The following GBP7 variants were observed in gnomAD, a reference collection of about 807,000 sequenced individuals.
GBP7 encodes guanylate binding protein 7.
Under a neutral mutation model 61.3 loss-of-function variants are expected in GBP7, and 43 were observed. The ratio of observed to expected loss-of-function variants is 0.70; its 90% CI spans 0.55 to 0.91. GBP7 has a LOEUF of 0.91. Ranked by LOEUF, GBP7 falls within the 40% of genes least tolerant of loss-of-function variation. The pLI, the probability that GBP7 is intolerant of heterozygous loss-of-function variation, is 0.00. For synonymous variants in GBP7, 267 were observed against 271.0 expected (o/e 0.99, Z 0.14); for missense variants, 717 against 740.5 (o/e 0.97, Z 0.37).
intron 7 of GBP7, 120 bp from the exon 8 acceptor site, chr1:89,147,899 C>T: frequency 1.0e-6 from 1 of 972,722 alleles, no homozygotes; most frequent in Non-Finnish European, 1.6e-6. Context: ...ACGGTGTAGA[C>T]TAAGAGTCAG....
chr1:89,135,784 T>C (rs770013620), intron 9 of GBP7, among the ~76,000 whole-genome samples: 4 of 151,996 alleles, frequency 2.6e-5, no homozygotes, highest in Non-Finnish European at 5.9e-5. Context: ...AATAACACAA[T>C]CAAGTGTGGA....
chr1:89,133,953 CA>C (rs1416167231), intron 9 of GBP7, among the ~76,000 whole-genome samples: 1 of 152,266 alleles, frequency 6.6e-6, no homozygotes, highest in African/African-American at 2.4e-5. Context: ...TTGCCATGCC[CA>C]GATACATGGC....
At position 89,159,657 on chromosome 1, in the gene GBP7, G is replaced by GT. The variant is rs1283868049; in HGVS notation, c.318+5073dup. Among the ~76,000 whole-genome samples the GT allele has an allele frequency of 2.0e-5, 3 of 152,116 alleles. No homozygotes were observed. The East Asian group carries it at 5.8e-4, about 29-fold the overall frequency. Reference sequence around the variant, plus strand: ...CAGAGAAATGCAAATCAAAACTACAGTGAGATACCATGTCACACCAGTTAG... The same window carrying GT: ...CAGAGAAATGCAAATCAAAACTACAGTTGAGATACCATGTCACACCAGTTAG... On this transcript the variant is annotated intron_variant, in intron 3 of 10. Coordinates refer to ENST00000294671, the MANE Select transcript of GBP7 (RefSeq NM_207398.3).
chr1:89,137,748 G>A (rs918645976), intron 9 of GBP7, among the ~76,000 whole-genome samples: 1 of 151,932 alleles, frequency 6.6e-6, no homozygotes, highest in Non-Finnish European at 1.5e-5. Flanking sequence ...AAACAGACAA[G>A]GATGCCCACT....
intron 3 of GBP7, among the ~76,000 whole-genome samples, chr1:89,154,830 C>G (rs1159856779): frequency 6.6e-6 from 1 of 152,164 alleles, no homozygotes; most frequent in Non-Finnish European, 1.5e-5. Context: ...ACATTCCTGT[C>G]TGACAGCTTT....
In GBP7 at chr1:89,149,353, A is replaced by G. The variant is rs767570581; in HGVS notation, c.1091T>C (p.Ile364Thr). 23 of 1,613,962 alleles carry G rather than the reference A, an allele frequency of 1.4e-5. No individual in the cohort carries two copies. In the Admixed American group the frequency reaches 1.7e-4, roughly 12 times the overall value. The change falls in exon 7 of 11, where the codon ATT becomes ACT. Residue 364 changes from isoleucine (I) to threonine (T), a missense_variant. Physicochemically the swap from Ile to Thr is moderately conservative, Grantham distance 89 (BLOSUM62 -1). Around this residue, in one of 3 missense-constraint regions of GBP7, gnomAD observed 312 missense variants for 310.1 expected, o/e 1.01. Transcript: ENST00000294671. ...DVHAVCEREA[I>T]AVFMEYSFKD... ...GAAGGAGTACTCCATGAAGACTGCA[A>G]TGGCTTCCCTCTCACAAACTGCATG...
chr1:89,154,195 T>A (rs1357269127), intron 3 of GBP7, among the ~76,000 whole-genome samples: 1 of 152,220 alleles, frequency 6.6e-6, no homozygotes, highest in Non-Finnish European at 1.5e-5. Context: ...TAAAAAAGTT[T>A]ATGCCCATTA....
At chr1:89,136,351 A>G (rs1157117150) in intron 9 of GBP7, among the ~76,000 whole-genome samples, 2 of 152,164 alleles carry the variant, frequency 1.3e-5, no homozygotes, top group Admixed American at 1.3e-4. Flanking sequence ...CAACAATAAC[A>G]GAATATACAT....
chr1:89,138,543 T>A (rs1250192283), intron 9 of GBP7, among the ~76,000 whole-genome samples: 78 of 152,290 alleles, frequency 5.1e-4, no homozygotes, highest in Non-Finnish European at 3.2e-4. Context: ...TACAACTATC[T>A]GATCTTTGGT....
At chr1:89,146,046 A>C (rs573006681) in intron 8 of GBP7, among the ~76,000 whole-genome samples, 2 of 152,198 alleles carry the variant, frequency 1.3e-5, no homozygotes, top group African/African-American at 4.8e-5. Context: ...GCATCATACT[A>C]TCTGACTTCA....
rs1041055167 is a variant in GBP7, at chr1:89,175,918, T to C, written c.-20+3A>G. The stretch of plus-strand genomic sequence containing the variant: ...ATGAAATCCTTATAAGTCATAGTCT[T>C]ACCCAGAGTAGAGATCCTCTGGACT... On this transcript the variant is annotated splice_donor_region_variant and intron_variant, in intron 1 of 10. Transcript: ENST00000294671. 3.9e-5 allele frequency: 6 copies of C among 152,196 alleles called. No individual in the cohort carries two copies. The highest frequency in any genetic ancestry group is 9.7e-5 in the African/African-American group (4 of 41,440). The allele number at this position is 152,196 out of a possible 1,614,324, so 9.4% of individuals were successfully genotyped here. A position where few individuals can be genotyped will look rare whatever the true frequency, so the allele number is the denominator to read the frequency against.
Position 89,149,533 on chromosome 1 carries a change from T to C in GBP7, c.911A>G (p.Asn304Ser). ...MLVETYLDAI[N>S]SGATPCLENA... ...CTCCAGACAAGGAGTCGCTCCACTG[T>C]TGATGGCATCCAGGTAGGTCTCCAC... Residue 304 changes from asparagine (N) to serine (S), a missense_variant, in exon 7 of 11, where the codon AAC becomes AGC. Asn to Ser is a conservative substitution (Grantham distance 46, BLOSUM62 1). This residue lies in a region of GBP7 where 387 missense variants were observed against 385.2 expected (regional missense o/e 1.00). Coordinates refer to ENST00000294671, the MANE Select transcript of GBP7 (RefSeq NM_207398.3). 1.2e-6 allele frequency: 2 copies of C among 1,614,140 alleles called. No homozygotes were observed. The highest frequency in any genetic ancestry group is 1.1e-5 in the South Asian group (1 of 91,080).
chr1:89,149,948 A>G (rs965004106), intron 6 of GBP7, among the ~76,000 whole-genome samples: 5 of 152,348 alleles, frequency 3.3e-5, no homozygotes, highest in Admixed American at 6.5e-5. Flanking sequence ...TTCTGAATGT[A>G]AATGCAGGTG....
intron 8 of GBP7, 60 bp downstream of exon 8, chr1:89,147,507 G>A: frequency 7.6e-7 from 1 of 1,310,338 alleles, no homozygotes; most frequent in South Asian, 1.2e-5. Context: ...TTTCAGAAGA[G>A]GCAACGAAGA....
At chr1:89,141,880 C>T (rs767487203) in intron 8 of GBP7, among the ~76,000 whole-genome samples, 1 of 152,222 alleles carries the variant, frequency 6.6e-6, no homozygotes, top group Non-Finnish European at 1.5e-5. Flanking sequence ...CCTCTTCTCC[C>T]AGGGATGCTG....
intron 9 of GBP7, among the ~76,000 whole-genome samples, chr1:89,139,317 T>C (rs938899238): frequency 6.6e-5 from 10 of 152,166 alleles, no homozygotes; most frequent in Admixed American, 6.5e-4. Flanking sequence ...AAGACTTAGA[T>C]GTTAGACCTA....
At chr1:89,166,709 C>T (rs1647453200) in intron 2 of GBP7, among the ~76,000 whole-genome samples, 2 of 152,218 alleles carry the variant, frequency 1.3e-5, no homozygotes, top group South Asian at 4.1e-4. Context: ...GTGATGGGAA[C>T]TTCCATTGAA....
chr1:89,170,419 TTAA>T (rs1429164533), intron 2 of GBP7, among the ~76,000 whole-genome samples: 1 of 152,166 alleles, frequency 6.6e-6, no homozygotes, highest in African/African-American at 2.4e-5. Context: ...AAAAATTGAC[TTAA>T]TAATGAATTC....
At chr1:89,139,489 A>G (rs1284191330) in intron 9 of GBP7, among the ~76,000 whole-genome samples, 1 of 152,226 alleles carries the variant, frequency 6.6e-6, no homozygotes, top group Non-Finnish European at 1.5e-5. Context: ...AAAAGAAACT[A>G]CCATCAGAGT....
Sources: gnomAD v4.1 joint callset for allele counts (sites outside exome capture counted in the v4.1 genomes callset) on GRCh38, gnomAD v4.1.1 for gene constraint, gnomAD v4.1.1 regional missense constraint, MANE v1.5 for transcripts, NCBI Gene and HGNC (gene_info 2026-07-23, HGNC 2026-07-21) for gene names.